RGS7: variants seen among roughly 807,000 people sequenced by gnomAD.
RGS7 encodes regulator of G-protein signaling 7.
Under a neutral mutation model 81.1 loss-of-function variants are expected in RGS7, and 27 were observed. The observed-to-expected ratio is 0.33, with a 90% CI of 0.25 to 0.46. The LOEUF is 0.46. Among genes scored for constraint, RGS7 ranks in the 20% least tolerant of loss-of-function variants. The probability of loss-of-function intolerance (pLI) is 1.00; values close to 1 mark genes in which losing one functional copy is unlikely to be tolerated. For missense variants in RGS7, 396 were observed against 607.4 expected (o/e 0.65, Z 3.66); for synonymous variants, 208 against 207.7 (o/e 1.00, Z -0.01).
At chr1:241,136,498 C>G (rs1016468777) in intron 2 of RGS7, among the ~76,000 whole-genome samples, 1 of 152,138 alleles carries the variant, frequency 6.6e-6, no homozygotes, top group Non-Finnish European at 1.5e-5. Flanking sequence ...GAGCACTCTC[C>G]TGCCTTGTGT....
At chr1:240,797,358 T>C (rs1397012199) in intron 18 of RGS7, among the ~76,000 whole-genome samples, 1 of 152,174 alleles carries the variant, frequency 6.6e-6, no homozygotes, top group African/African-American at 2.4e-5. Context: ...TGTTATCTTT[T>C]CTTATTTTTT....
intron 2 of RGS7, among the ~76,000 whole-genome samples, chr1:241,294,859 G>C (rs993758643): frequency 3.4e-5 from 5 of 149,016 alleles, no homozygotes; most frequent in African/African-American, 1.2e-4. Context: ...GTGTGTAGGA[G>C]GCTACACCAT....
At chr1:241,293,588 T>C (rs1315571492) in intron 2 of RGS7, among the ~76,000 whole-genome samples, 2 of 152,064 alleles carry the variant, frequency 1.3e-5, no homozygotes, top group African/African-American at 4.8e-5. Flanking sequence ...AAAAAAAGTT[T>C]TTAAAGTAAA....
intron 13 of RGS7, among the ~76,000 whole-genome samples, chr1:240,812,437 C>CTT (rs71172652): frequency 0.43 from 59,308 of 137,216 alleles, 14,130 homozygotes; most frequent in Non-Finnish European, 0.54. Flanking sequence ...TTTCTTTTTT[C>CTT]TTTTTTTTTT....
rs543986174 is a variant in RGS7 at position 241,106,365 on chromosome 1, C to T, written c.79-7603G>A. ...GACTAAAAATAGAAACTAGTAAAAT[C>T]TTATTGCATGTAAATCTGTCCTAGT... On this transcript the variant is annotated intron_variant, in intron 2 of 18. Transcript: ENST00000440928. 6.2e-4 allele frequency among the ~76,000 whole-genome samples: 94 copies of T among 152,176 alleles called. 1 individual carries two copies. Among genetic ancestry groups the T allele is most frequent in the Non-Finnish European group, 1.3e-4 (9 of 68,006 alleles).
Position 241,164,400 on chromosome 1 carries a change from C to T in RGS7, c.79-65638G>A, listed in dbSNP as rs2103219049. On this transcript the variant is annotated intron_variant, in intron 2 of 18. Coordinates refer to ENST00000440928, the MANE Select transcript of RGS7 (RefSeq NM_001364886.1). This position sits in a 1 kb window ranked among gnomAD's most constrained non-coding sequence, Gnocchi z 4.1. The stretch of plus-strand genomic sequence containing the variant: ...AGGGGTAGGGCTGAAAGTCCCAGCC[C>T]TCCAATCATGCATTGGTCTTTTCAG... Among the ~76,000 whole-genome samples the T allele has an allele frequency of 6.6e-6, 1 of 152,162 alleles. No individual in the cohort carries two copies. Among genetic ancestry groups the T allele is most frequent in the Non-Finnish European group, 1.5e-5 (1 of 68,026 alleles).
intron 4 of RGS7, among the ~76,000 whole-genome samples, chr1:240,961,412 T>C (rs540713722): frequency 1.3e-5 from 2 of 152,344 alleles, no homozygotes; most frequent in South Asian, 4.1e-4. Flanking sequence ...ATCCACCTTA[T>C]ATAAAATAAT....
chr1:240,898,599 G>C (rs75343417), intron 6 of RGS7, among the ~76,000 whole-genome samples: 19,446 of 152,234 alleles, frequency 0.13, 1,356 homozygotes, highest in Middle Eastern at 0.18. Context: ...GCTTTTGAGT[G>C]AGTTTCTTAA....
chr1:241,204,949 CATATATT>C (rs1402817180), intron 2 of RGS7, among the ~76,000 whole-genome samples: 2 of 152,048 alleles, frequency 1.3e-5, no homozygotes, highest in South Asian at 4.2e-4. Flanking sequence ...TATGTATACT[CATATATT>C]ATATAAACAC....
chr1:241,116,642 A>T (rs569034840), intron 2 of RGS7, among the ~76,000 whole-genome samples: 7 of 152,266 alleles, frequency 4.6e-5, no homozygotes, highest in African/African-American at 1.7e-4. Context: ...ATTTTTATAT[A>T]CATTCTGTAA....
At position 240,793,611 on chromosome 1, in the gene RGS7, A is replaced by ATTTTT. The variant is rs1205854418; in HGVS notation, c.*6+7025_*6+7029dup. ...AATATATATATATATATATATATAT[A>ATTTTT]TTTTTTTTTTTTTTTTGAGACAGAG... On this transcript the variant is annotated intron_variant, in intron 18 of 18. Transcript: ENST00000440928. Among the ~76,000 whole-genome samples, 67 of 78,782 alleles carry ATTTTT rather than the reference A, an allele frequency of 8.5e-4. 1 individual carries two copies. Among genetic ancestry groups the ATTTTT allele is most frequent in the Non-Finnish European group, 1.1e-3 (54 of 50,028 alleles). The allele number at this position is 78,782 out of a possible 152,430, so 51.7% of individuals were successfully genotyped here. A position where few individuals can be genotyped will look rare whatever the true frequency, so the allele number is the denominator to read the frequency against.
rs562448659 is a variant in RGS7 at position 240,955,525 on chromosome 1, C to T, written c.227-18819G>A. 1.3e-4 allele frequency among the ~76,000 whole-genome samples: 18 copies of T among 136,618 alleles called. No homozygotes were observed. In the South Asian group the frequency reaches 4.0e-3, roughly 30 times the overall value. The allele number at this position is 136,618 out of a possible 152,430, so 89.6% of individuals were successfully genotyped here. A position where few individuals can be genotyped will look rare whatever the true frequency, so the allele number is the denominator to read the frequency against. On this transcript the variant is annotated intron_variant, in intron 4 of 18. Coordinates refer to ENST00000440928, the MANE Select transcript of RGS7 (RefSeq NM_001364886.1). ...CGAGATCATGCCACTGCACTCCAGCCTGGGCGGCAGAGCAAGACTCTGTCT... is the reference window on the plus strand; with the variant it reads ...CGAGATCATGCCACTGCACTCCAGCTTGGGCGGCAGAGCAAGACTCTGTCT...
intron 3 of RGS7, among the ~76,000 whole-genome samples, chr1:241,076,660 A>G (rs772963397): frequency 1.3e-5 from 2 of 152,196 alleles, no homozygotes; most frequent in African/African-American, 2.4e-5. Context: ...ATTTAGATAC[A>G]AACTGAGTGT....
At chr1:240,944,784 G>A (rs1678312257) in intron 4 of RGS7, among the ~76,000 whole-genome samples, 1 of 152,132 alleles carries the variant, frequency 6.6e-6, no homozygotes, top group Admixed American at 6.5e-5. Flanking sequence ...CGCGATCTTC[G>A]CTCACTGCAA....
intron 4 of RGS7, among the ~76,000 whole-genome samples, chr1:240,977,230 C>A (rs1684262661): frequency 6.6e-6 from 1 of 151,988 alleles, no homozygotes; most frequent in Non-Finnish European, 1.5e-5. Context: ...ATTCTTCCTT[C>A]CAATCCCCCT....
At chr1:240,811,888 G>C (rs372900682) in intron 14 of RGS7, 30 bp downstream of exon 14, 38 of 1,579,966 alleles carry the variant, frequency 2.4e-5, no homozygotes, top group Non-Finnish European at 2.7e-5. Context: ...GTATTTCTCT[G>C]GCTTATAAGA....
Position 241,156,173 on chromosome 1 carries a change from C to A in RGS7, c.79-57411G>T, listed in dbSNP as rs913815797. 2.4e-4 allele frequency among the ~76,000 whole-genome samples: 32 copies of A among 132,490 alleles called. 1 individual carries two copies. The highest frequency in any genetic ancestry group is 1.0e-3 in the African/African-American group (32 of 30,536). The allele number at this position is 132,490 out of a possible 152,430, so 86.9% of individuals were successfully genotyped here. A position where few individuals can be genotyped will look rare whatever the true frequency, so the allele number is the denominator to read the frequency against. ...AGATAGATAGATAGATAGATAGATA[C>A]ATATACATAGACAGACAGACAGAAA... On this transcript the variant is annotated intron_variant, in intron 2 of 18. Coordinates refer to ENST00000440928, the MANE Select transcript of RGS7 (RefSeq NM_001364886.1).
intron 6 of RGS7, among the ~76,000 whole-genome samples, chr1:240,910,623 G>A (rs144860873): frequency 1.3e-5 from 2 of 152,296 alleles, no homozygotes; most frequent in African/African-American, 4.8e-5. Flanking sequence ...TAGTGTTTGA[G>A]ATAATGAATA....
At chr1:241,175,258 A>G (rs10926423) in intron 2 of RGS7, among the ~76,000 whole-genome samples, 18,288 of 152,116 alleles carry the variant, frequency 0.12, 1,158 homozygotes, top group East Asian at 0.24. Flanking sequence ...ATTGTCTCCT[A>G]TTACACATTG....
Sources: allele counts gnomAD v4.1 joint callset (sites outside exome capture counted in the v4.1 genomes callset), GRCh38; gene constraint gnomAD v4.1.1; non-coding constraint Gnocchi (gnomAD v3.1); transcripts MANE v1.5; gene names NCBI Gene and HGNC (gene_info 2026-07-23, HGNC 2026-07-21).